JADE2: variants seen among roughly 807,000 people sequenced by gnomAD.
JADE2 encodes the protein E3 ubiquitin-protein ligase Jade-2.
Under a neutral mutation model 85.7 loss-of-function variants are expected in JADE2, and 13 were observed. That is an observed-to-expected ratio of 0.15 (90% CI 0.10 to 0.24). JADE2 has a LOEUF of 0.24. JADE2 is among the 10% of genes least tolerant of loss of function. The pLI is 1.00. For missense variants in JADE2, 846 were observed against 1,115.9 expected (o/e 0.76, Z 3.45); for synonymous variants, 440 against 456.1 (o/e 0.96, Z 0.45).
intron 3 of JADE2, among the ~76,000 whole-genome samples, chr5:134,540,080 C>T (rs1380053586): frequency 6.6e-6 from 1 of 152,156 alleles, no homozygotes; most frequent in African/African-American, 2.4e-5. Context: ...GAAGCTCTCA[C>T]TGCCCTCCTG....
At chr5:134,535,265 C>T (rs775943909) in intron 1 of JADE2, among the ~76,000 whole-genome samples, 7 of 152,136 alleles carry the variant, frequency 4.6e-5, no homozygotes, top group Non-Finnish European at 1.0e-4. Context: ...TAGCCCAGCC[C>T]AGGACCAGTC....
Position 134,579,031 on chromosome 5 carries a change from C to T in JADE2, c.2219C>T (p.Pro740Leu). 1 of 1,613,994 alleles carries T rather than the reference C, an allele frequency of 6.2e-7. No individual in the cohort carries two copies. Among genetic ancestry groups the T allele is most frequent in the Non-Finnish European group, 8.5e-7 (1 of 1,180,028 alleles). The change falls in exon 12 of 12, where the codon CCT becomes CTT. Residue 740 changes from proline to leucine, a missense_variant. Physicochemically the swap from Pro to Leu is moderately conservative, Grantham distance 98 (BLOSUM62 -3). This residue lies in a region of JADE2 where 300 missense variants were observed against 300.7 expected (regional missense o/e 1.00). Coordinates refer to ENST00000681547, the MANE Select transcript of JADE2 (RefSeq NM_001388185.1). This position sits in a 1 kb window ranked among gnomAD's most constrained non-coding sequence, Gnocchi z 4.6. ...GCTGCTGACTCAGATGTCCAAGTGCCTGGCCCTGCAGCAAGCCCTAAGCCT... is the reference window on the plus strand; with the variant it reads ...GCTGCTGACTCAGATGTCCAAGTGCTTGGCCCTGCAGCAAGCCCTAAGCCT... ...SVAADSDVQV[P>L]GPAASPKPLG... is the part of the protein sequence containing the mutation.
At chr5:134,570,075 C>A (rs934378377) in intron 9 of JADE2, among the ~76,000 whole-genome samples, 1 of 152,186 alleles carries the variant, frequency 6.6e-6, no homozygotes, top group Non-Finnish European at 1.5e-5. Flanking sequence ...GCCTGCTATG[C>A]CCCAGCCCTT....
At chr5:134,561,133 TTGCTGG>T (rs1763297519) in intron 6 of JADE2, among the ~76,000 whole-genome samples, 176 bp downstream of exon 6, 1 of 152,228 alleles carries the variant, frequency 6.6e-6, no homozygotes, top group Non-Finnish European at 1.5e-5. Context: ...TGGCTTAGAC[TTGCTGG>T]CCAGACTCAA....
intron 9 of JADE2, among the ~76,000 whole-genome samples, chr5:134,567,557 C>T (rs1177998423): frequency 6.6e-6 from 1 of 152,172 alleles, no homozygotes; most frequent in African/African-American, 2.4e-5. Context: ...TACATGCTCA[C>T]CCTCTCCCTG....
intron 2 of JADE2, chr5:134,536,928 G>C (rs1203809312): frequency 6.6e-6 from 1 of 152,250 alleles, no homozygotes; most frequent in Non-Finnish European, 1.5e-5. Flanking sequence ...GATCCACTAG[G>C]ATGGCCAAGG....
At position 134,569,237 on chromosome 5, in the gene JADE2, C is replaced by T. The variant is rs553798064; in HGVS notation, c.1434+2657C>T. ...TTAGAAGAAGGGAGGCCAGCCCGTG[C>T]GCTCTGAGGGTGGGCTCCACAGAGG... On this transcript the variant is annotated intron_variant, in intron 9 of 11. Transcript: ENST00000681547. Among the ~76,000 whole-genome samples, 32 of 152,242 alleles carry T rather than the reference C, an allele frequency of 2.1e-4. No individual in the cohort carries two copies. The South Asian group carries it at 5.8e-3, about 28-fold the overall frequency.
At chr5:134,556,801 AAC>A (rs1208804906) in intron 4 of JADE2, among the ~76,000 whole-genome samples, 1 of 140,718 alleles carries the variant, frequency 7.1e-6, no homozygotes, top group South Asian at 2.3e-4. Context: ...CATCACACAA[AAC>A]ACACTCCACA....
At chr5:134,575,327 G>A (rs1474765945) in intron 10 of JADE2, 2 of 152,326 alleles carry the variant, frequency 1.3e-5, no homozygotes, top group Non-Finnish European at 2.9e-5. Context: ...CCTCCTAGTG[G>A]AGATGATATT....
chr5:134,543,344 T>C (rs1762092849), intron 3 of JADE2, among the ~76,000 whole-genome samples: 1 of 151,650 alleles, frequency 6.6e-6, no homozygotes, highest in Non-Finnish European at 1.5e-5. Context: ...CTGTACTTTT[T>C]TAACAAGACC....
chr5:134,576,728 G>A (rs1404925044), intron 10 of JADE2, 40 bp from the exon 11 acceptor site: 8 of 1,550,052 alleles, frequency 5.2e-6, no homozygotes, highest in Middle Eastern at 1.7e-4. Context: ...GGCCACTCAG[G>A]GTAACCATCT....
intron 3 of JADE2, among the ~76,000 whole-genome samples, chr5:134,546,219 A>T (rs987644917): frequency 1.3e-5 from 2 of 151,952 alleles, no homozygotes; most frequent in African/African-American, 4.8e-5. Context: ...CCCAGGCTGG[A>T]GTGCAGTGGC....
chr5:134,543,731 T>C (rs903277853), intron 3 of JADE2, among the ~76,000 whole-genome samples: 1 of 152,156 alleles, frequency 6.6e-6, no homozygotes, highest in Admixed American at 6.5e-5. Context: ...ACTTTTCCCT[T>C]CCCTTTGCCT....
chr5:134,542,009 G>A (rs562783498), intron 3 of JADE2, among the ~76,000 whole-genome samples: 3 of 152,226 alleles, frequency 2.0e-5, no homozygotes, highest in African/African-American at 4.8e-5. Flanking sequence ...GCGGGCCTCC[G>A]AGCTGAGAGC....
chr5:134,525,045 G>A (rs1005386068), upstream of JADE2, among the ~76,000 whole-genome samples: 3 of 152,236 alleles, frequency 2.0e-5, no homozygotes, highest in Admixed American at 2.0e-4. Context: ...CGTTCCCTCC[G>A]CGAGTGTCGC....
chr5:134,554,189 A>G (rs568577867), intron 4 of JADE2, among the ~76,000 whole-genome samples: 15 of 152,266 alleles, frequency 9.9e-5, no homozygotes, highest in African/African-American at 1.4e-4. Context: ...CGAAGCCCCA[A>G]TAGGGTGATC....
chr5:134,570,375 C>CT (rs1379165392), intron 9 of JADE2, among the ~76,000 whole-genome samples: 2 of 152,206 alleles, frequency 1.3e-5, no homozygotes, highest in Non-Finnish European at 2.9e-5. Flanking sequence ...GCTGACGAGT[C>CT]TGTCTTTTCT....
rs527326162 is a variant in JADE2 at position 134,578,758 on chromosome 5, A to AACC, written c.1962_1964dup (p.Pro655dup). ...CGCACCCGCCTGCCTGCCAAGAAGA[A>AACC]ACCACCACCACCACCACCGCAGGAC... On this transcript the variant is annotated inframe_insertion, in exon 12 of 12. Coordinates refer to ENST00000681547, the MANE Select transcript of JADE2 (RefSeq NM_001388185.1). This position sits in a 1 kb window ranked among gnomAD's most constrained non-coding sequence, Gnocchi z 4.4. 1.2e-4 allele frequency: 189 copies of AACC among 1,613,560 alleles called. No homozygotes were observed. The African/African-American group carries it at 1.2e-3, about 10-fold the overall frequency.
At chr5:134,576,673 T>A in intron 10 of JADE2, 95 bp from the exon 11 acceptor site, 1 of 1,442,044 alleles carries the variant, frequency 6.9e-7, no homozygotes, top group Admixed American at 2.1e-5. Flanking sequence ...CACTGGCTGA[T>A]GGAGGACTCC....
Sources: gnomAD v4.1 joint callset for allele counts (sites outside exome capture counted in the v4.1 genomes callset) on GRCh38, gnomAD v4.1.1 for gene constraint, gnomAD v4.1.1 regional missense constraint, Gnocchi (gnomAD v3.1) non-coding constraint, MANE v1.5 for transcripts, NCBI Gene and HGNC (gene_info 2026-07-23, HGNC 2026-07-21) for gene names.